The following TRIP12 variants were observed in gnomAD, a reference collection of about 807,000 sequenced individuals.
TRIP12 encodes the protein E3 ubiquitin-protein ligase TRIP12.
TRIP12 carries 25 observed loss-of-function variants against 244.2 expected under a neutral mutation model. The ratio of observed to expected loss-of-function variants is 0.10; its 90% CI spans 0.07 to 0.14. The LOEUF is 0.14. Among genes scored for constraint, TRIP12 ranks in the 10% least tolerant of loss-of-function variants. The pLI is 1.00. For synonymous variants in TRIP12, 905 were observed against 873.1 expected (o/e 1.04, Z -0.64); for missense variants, 1,677 against 2,486.4 (o/e 0.67, Z 6.92).
At chr2:229,907,555 C>A (rs1242861100) in intron 1 of TRIP12, among the ~76,000 whole-genome samples, 1 of 152,070 alleles carries the variant, frequency 6.6e-6, no homozygotes, top group African/African-American at 2.4e-5. Context: ...AGTATTCTTA[C>A]AATGCTGAGG....
At chr2:229,853,874 G>A (rs1293535997) in intron 4 of TRIP12, among the ~76,000 whole-genome samples, 1 of 152,072 alleles carries the variant, frequency 6.6e-6, no homozygotes, top group African/African-American at 2.4e-5. Context: ...CATAACTACA[G>A]CTGAATGATT....
At chr2:229,915,861 A>AT (rs1488404218) in intron 1 of TRIP12, among the ~76,000 whole-genome samples, 7 of 151,872 alleles carry the variant, frequency 4.6e-5, no homozygotes, top group Non-Finnish European at 7.4e-5. Context: ...TGCCCAGCTA[A>AT]TTTTTTACTT....
At chr2:229,920,776 T>C (rs2076369044) in intron 1 of TRIP12, among the ~76,000 whole-genome samples, 1 of 152,126 alleles carries the variant, frequency 6.6e-6, no homozygotes, top group Non-Finnish European at 1.5e-5. Context: ...AATGAAGGAT[T>C]TCTTATTCTG....
chr2:229,872,848 C>T (rs963715247), intron 2 of TRIP12, among the ~76,000 whole-genome samples: 2 of 152,134 alleles, frequency 1.3e-5, no homozygotes, highest in Non-Finnish European at 2.9e-5. Context: ...TAATGGGTAA[C>T]TCCTGTCTTG....
intron 33 of TRIP12, among the ~76,000 whole-genome samples, chr2:229,787,267 G>C (rs1253564377): frequency 2.6e-5 from 4 of 152,124 alleles, no homozygotes; most frequent in African/African-American, 9.7e-5. Context: ...GCAACTAAAA[G>C]AGAAAAGAGA....
intron 8 of TRIP12, among the ~76,000 whole-genome samples, chr2:229,820,502 C>T (rs2049765341): frequency 6.6e-6 from 1 of 152,022 alleles, no homozygotes; most frequent in Non-Finnish European, 1.5e-5. Flanking sequence ...TACCACAAAG[C>T]ACTTTTGTTT....
rs777870781 is a variant in TRIP12, at chr2:229,805,753, T to C, written c.2627A>G (p.Asn876Ser). 19 of 1,601,644 alleles carry C rather than the reference T, an allele frequency of 1.2e-5. No individual in the cohort carries two copies. The South Asian group carries it at 2.1e-4, about 18-fold the overall frequency. The change falls in exon 18 of 42, where the codon AAC becomes AGC. Residue 876 changes from asparagine to serine, a missense_variant. Asn to Ser is a conservative substitution (Grantham distance 46). Around this residue, in one of 11 missense-constraint regions of TRIP12, gnomAD observed 572 missense variants for 867.8 expected, o/e 0.66. Transcript: ENST00000675903. ...ACTAGTGTTACTATTGGCTAACGGG[T>C]TAGGTTTTCTCTGAATGGCACGTGC... ...GTARAIQRKP[N>S]PLANSNTSGY...
chr2:229,864,075 T>C (rs867968607), intron 2 of TRIP12, among the ~76,000 whole-genome samples: 125 of 146,110 alleles, frequency 8.6e-4, no homozygotes, highest in African/African-American at 3.0e-3. Context: ...TGTGTGTGTG[T>C]GTGCACGCGC....
intron 31 of TRIP12, 112 bp downstream of exon 31, chr2:229,789,499 T>C: frequency 7.6e-7 from 1 of 1,317,642 alleles, no homozygotes. Context: ...CATTGTACTT[T>C]ACTGGGCTAG....
chr2:229,879,906 T>C (rs2064463760), intron 2 of TRIP12, 76 bp downstream of exon 2: 1 of 1,518,082 alleles, frequency 6.6e-7, no homozygotes, highest in East Asian at 2.3e-5. Flanking sequence ...ATTCAAGTTT[T>C]GGACCTCGCA....
chr2:229,791,329 C>T, intron 29 of TRIP12, 78 bp from the exon 30 acceptor site: 8 of 1,488,014 alleles, frequency 5.4e-6, no homozygotes, highest in South Asian at 2.3e-5. Context: ...CCACAGACAC[C>T]ACAGTTACCA....
chr2:229,784,778 G>C (rs557656546), intron 34 of TRIP12, among the ~76,000 whole-genome samples: 1 of 152,318 alleles, frequency 6.6e-6, no homozygotes, highest in East Asian at 1.9e-4. Context: ...ACCAAGTGTT[G>C]TGAGTATGAG....
intron 3 of TRIP12, among the ~76,000 whole-genome samples, chr2:229,860,028 T>C (rs959986946): frequency 6.6e-6 from 1 of 152,164 alleles, no homozygotes; most frequent in Non-Finnish European, 1.5e-5. Context: ...AAAGTTAACA[T>C]TGCTTTCCAA....
intron 33 of TRIP12, 27 bp downstream of exon 33, chr2:229,787,477 TA>T (rs1362681760): frequency 3.1e-6 from 5 of 1,588,416 alleles, no homozygotes; most frequent in Non-Finnish European, 4.3e-6. Context: ...AAGCTCAGAT[TA>T]TTTAAAGATT....
rs73103520 is a variant in TRIP12 at position 229,909,472 on chromosome 2, C to T, written c.-50+12408G>A. ...AGTCAAGAGGTTAGGGTGAGAAGAT[C>T]GCTTGAGCCCAGGAGGTTAAGGCTG... On this transcript the variant is annotated intron_variant, in intron 1 of 41. Coordinates refer to ENST00000675903, the MANE Select transcript of TRIP12 (RefSeq NM_001348323.3). Among the ~76,000 whole-genome samples the T allele has an allele frequency of 5.3e-3, 801 of 151,608 alleles. 9 individuals carry two copies. Among genetic ancestry groups the T allele is most frequent in the African/African-American group, 0.019 (774 of 41,314 alleles).
In TRIP12 at chr2:229,867,167, GTTTGT is replaced by G. The variant is rs1238446575; in HGVS notation, c.99-6641_99-6637del. ...AGGGAAGGTTTTTTTTTGTTTGTTT[GTTTGT>G]TTTTTTTTTTTGAGACAGATACTCA... On this transcript the variant is annotated intron_variant, in intron 2 of 41. Coordinates refer to ENST00000675903, the MANE Select transcript of TRIP12 (RefSeq NM_001348323.3). Among the ~76,000 whole-genome samples the G allele has an allele frequency of 4.3e-3, 250 of 58,230 alleles. 1 individual carries two copies. Among genetic ancestry groups the G allele is most frequent in the Middle Eastern group, 0.014 (1 of 72 alleles). The allele number at this position is 58,230 out of a possible 152,430, so 38.2% of individuals were successfully genotyped here.
At chr2:229,918,530 G>C (rs534437062) in intron 1 of TRIP12, among the ~76,000 whole-genome samples, 1 of 152,164 alleles carries the variant, frequency 6.6e-6, no homozygotes, top group Non-Finnish European at 1.5e-5. Flanking sequence ...TCACAAACCA[G>C]AACAGGTACT....
intron 1 of TRIP12, among the ~76,000 whole-genome samples, chr2:229,895,228 A>C (rs576957144): frequency 6.6e-6 from 1 of 152,224 alleles, no homozygotes; most frequent in East Asian, 1.9e-4. Flanking sequence ...TAAAATAATA[A>C]AGCTCAGACA....
intron 8 of TRIP12, among the ~76,000 whole-genome samples, chr2:229,819,082 ACAC>A (rs201046095): frequency 0.071 from 10,032 of 142,076 alleles, 418 homozygotes; most frequent in South Asian, 0.12. Context: ...ACACACACAC[ACAC>A]AATTATAAAC....
Sources: allele counts gnomAD v4.1 joint callset (sites outside exome capture counted in the v4.1 genomes callset), GRCh38; gene constraint gnomAD v4.1.1; regional missense constraint gnomAD v4.1.1; transcripts MANE v1.5; gene names NCBI Gene and HGNC (gene_info 2026-07-23, HGNC 2026-07-21).